Variants in CADPS2 observed in about 807,000 individuals in gnomAD.
CADPS2 encodes calcium-dependent secretion activator 2.
In CADPS2, 93 loss-of-function variants were observed where a neutral mutation model predicts 172.5. The observed-to-expected ratio is 0.54, with a 90% CI of 0.46 to 0.64. CADPS2 has a LOEUF of 0.64. Ranked by LOEUF, CADPS2 falls within the 30% of genes least tolerant of loss-of-function variation. CADPS2 has a pLI of 0.00. For missense variants in CADPS2, 1,420 were observed against 1,565.9 expected (o/e 0.91, Z 1.57); for synonymous variants, 546 against 555.2 (o/e 0.98, Z 0.23).
chr7:122,416,041 C>A lies in CADPS2; in HGVS notation c.2580+20G>T, dbSNP rs942216551. 9.0e-6 allele frequency: 13 copies of A among 1,443,128 alleles called. No individual in the cohort carries two copies. The highest frequency in any genetic ancestry group is 1.2e-5 in the Non-Finnish European group (13 of 1,060,518). The allele number at this position is 1,443,128 out of a possible 1,614,324, so 89.4% of individuals were successfully genotyped here. On this transcript the variant is annotated intron_variant, in intron 18 of 29. Coordinates refer to ENST00000449022, the MANE Select transcript of CADPS2 (RefSeq NM_017954.11). Reference sequence around the variant, plus strand: ...AAGCCTTACATATAGCTTTATACTACAGTGAAAACAGGTCATCACCTCTGC... The same window carrying A: ...AAGCCTTACATATAGCTTTATACTAAAGTGAAAACAGGTCATCACCTCTGC...
chr7:122,398,850 G>A (rs2045529182), intron 20 of CADPS2, among the ~76,000 whole-genome samples: 1 of 147,484 alleles, frequency 6.8e-6, no homozygotes. Flanking sequence ...CATTAAGTAG[G>A]CACTCTATAA....
At chr7:122,320,385 G>A (rs771746116) in intron 29 of CADPS2, 47 bp from the exon 30 acceptor site, 64 of 1,439,388 alleles carry the variant, frequency 4.4e-5, no homozygotes, top group Admixed American at 1.9e-4. Context: ...GATTATATGC[G>A]TGTACATAGA....
chr7:122,474,385 C>G lies in CADPS2; in HGVS notation c.1994G>C (p.Cys665Ser), dbSNP rs752209411. 3 of 1,613,172 alleles carry G rather than the reference C, an allele frequency of 1.9e-6. No individual in the cohort carries two copies. In the South Asian group the frequency reaches 3.3e-5, roughly 18 times the overall value. ...LDHRLNDSYS[C>S]LGWFSPGQVF... ...ACTAGATAGACTTGTACTCACCAAG[C>G]AAGAATAGGAATCATTCAGTCTGTG... Residue 665 changes from cysteine to serine, a missense_variant, in exon 13 of 30, where the codon TGC becomes TCC. Transcript: ENST00000449022.
chr7:122,873,147 T>A (rs1053130691), intron 1 of CADPS2, among the ~76,000 whole-genome samples: 1 of 152,110 alleles, frequency 6.6e-6, no homozygotes, highest in East Asian at 1.9e-4. Flanking sequence ...AGATATATAT[T>A]TTTTAAATGG....
At chr7:122,498,637 C>T (rs1304860588) in intron 9 of CADPS2, among the ~76,000 whole-genome samples, 1 of 152,076 alleles carries the variant, frequency 6.6e-6, no homozygotes, top group South Asian at 2.1e-4. Flanking sequence ...TAACCTATTG[C>T]TTACCCTGTC....
chr7:122,714,156 G>A (rs1401543506), intron 2 of CADPS2, among the ~76,000 whole-genome samples: 2 of 152,016 alleles, frequency 1.3e-5, no homozygotes, highest in African/African-American at 4.8e-5. Flanking sequence ...AAGACCTAGA[G>A]GTAAATTATT....
At chr7:122,790,893 C>A (rs1211249018) in intron 1 of CADPS2, among the ~76,000 whole-genome samples, 1 of 152,176 alleles carries the variant, frequency 6.6e-6, no homozygotes, top group Non-Finnish European at 1.5e-5. Context: ...GCCACCACGT[C>A]TCAACACTAA....
intron 5 of CADPS2, among the ~76,000 whole-genome samples, chr7:122,617,912 A>G (rs534586293): frequency 5.9e-5 from 9 of 152,054 alleles, no homozygotes; most frequent in South Asian, 4.2e-4. Context: ...GCTTGGTGGC[A>G]GGCACCTGTA....
At chr7:122,410,268 C>T (rs755016528) in intron 19 of CADPS2, among the ~76,000 whole-genome samples, 9 of 151,794 alleles carry the variant, frequency 5.9e-5, no homozygotes, top group Non-Finnish European at 8.8e-5. Context: ...CGCTTGAACC[C>T]GGGAGGTGAA....
intron 1 of CADPS2, among the ~76,000 whole-genome samples, chr7:122,858,920 G>A (rs1298468392): frequency 6.6e-6 from 1 of 152,106 alleles, no homozygotes; most frequent in Non-Finnish European, 1.5e-5. Context: ...ATATGCATTT[G>A]GCCCTTGGGG....
chr7:122,506,276 A>C (rs2059600996), intron 9 of CADPS2, among the ~76,000 whole-genome samples: 1 of 152,214 alleles, frequency 6.6e-6, no homozygotes, highest in Non-Finnish European at 1.5e-5. Context: ...AAATCCCTTC[A>C]GTGGAAGCAC....
At chr7:122,624,586 T>G (rs1268453560) in intron 4 of CADPS2, among the ~76,000 whole-genome samples, 2 of 152,178 alleles carry the variant, frequency 1.3e-5, no homozygotes, top group Non-Finnish European at 2.9e-5. Flanking sequence ...ACTAAATCGT[T>G]GAAGTGTTTA....
At chr7:122,541,749 A>G (rs2063026333) in intron 8 of CADPS2, among the ~76,000 whole-genome samples, 1 of 145,488 alleles carries the variant, frequency 6.9e-6, no homozygotes, top group African/African-American at 2.5e-5. Flanking sequence ...ATATATTTAC[A>G]TATATTCATA....
intron 1 of CADPS2, among the ~76,000 whole-genome samples, chr7:122,805,247 C>A (rs1798536899): frequency 6.6e-6 from 1 of 152,196 alleles, no homozygotes; most frequent in African/African-American, 2.4e-5. Flanking sequence ...GCAACCTCTG[C>A]CTCCAGGGTT....
chr7:122,682,863 G>A (rs2083201357), intron 2 of CADPS2, among the ~76,000 whole-genome samples: 1 of 152,172 alleles, frequency 6.6e-6, no homozygotes, highest in Non-Finnish European at 1.5e-5. Flanking sequence ...TCCCCCTCTT[G>A]GGTGGGAACT....
intron 19 of CADPS2, among the ~76,000 whole-genome samples, chr7:122,412,489 T>C (rs1299750069): frequency 6.6e-6 from 1 of 152,210 alleles, no homozygotes; most frequent in Non-Finnish European, 1.5e-5. Context: ...AATGCACATA[T>C]GCACAAATAC....
intron 1 of CADPS2, among the ~76,000 whole-genome samples, chr7:122,769,509 A>T (rs1040716038): frequency 1.3e-5 from 2 of 152,234 alleles, no homozygotes; most frequent in Admixed American, 6.5e-5. Flanking sequence ...GAAGAATGAC[A>T]GCCAAGTTTC....
At chr7:122,686,473 G>C (rs776540516) in intron 2 of CADPS2, among the ~76,000 whole-genome samples, 10 of 152,076 alleles carry the variant, frequency 6.6e-5, no homozygotes, top group Non-Finnish European at 1.0e-4. Context: ...TCTTAAACTC[G>C]AGTACGCATT....
At chr7:122,777,352 G>A (rs2093916484) in intron 1 of CADPS2, among the ~76,000 whole-genome samples, 1 of 152,110 alleles carries the variant, frequency 6.6e-6, no homozygotes, top group African/African-American at 2.4e-5. Flanking sequence ...GGCTGTTGGA[G>A]CTCCAGCTCT....
Sources: gnomAD v4.1 joint callset for allele counts (sites outside exome capture counted in the v4.1 genomes callset) on GRCh38, gnomAD v4.1.1 for gene constraint, MANE v1.5 for transcripts, NCBI Gene and HGNC (gene_info 2026-07-23, HGNC 2026-07-21) for gene names.